Variants in OPCML observed in about 807,000 individuals in gnomAD.
OPCML encodes opioid-binding protein/cell adhesion molecule.
A neutral mutation model predicts 37.8 loss-of-function variants in OPCML; 13 were observed. That is an observed-to-expected ratio of 0.34 (90% CI 0.22 to 0.55). The LOEUF is 0.55. Among genes scored for constraint, OPCML ranks in the 20% least tolerant of loss-of-function variants. The pLI, the probability that OPCML is intolerant of heterozygous loss-of-function variation, is 0.91. For missense variants in OPCML, 341 were observed against 435.6 expected, an observed-to-expected ratio of 0.78 and a Z score of 1.93; for synonymous variants, 176 against 168.8, an observed-to-expected ratio of 1.04 and a Z score of -0.33.
At chr11:132,799,057 A>C (rs1938493520) in intron 2 of OPCML, among the ~76,000 whole-genome samples, 1 of 152,042 alleles carries the variant, frequency 6.6e-6, no homozygotes, top group Middle Eastern at 3.4e-3. Context: ...TTTCAGAATG[A>C]CAAATGGCTT....
At chr11:132,756,676 C>G (rs992575834) in intron 2 of OPCML, among the ~76,000 whole-genome samples, 1 of 152,120 alleles carries the variant, frequency 6.6e-6, no homozygotes, top group Non-Finnish European at 1.5e-5. Context: ...AATGAGGCTC[C>G]AAAATATTGG....
At chr11:132,554,863 G>GTTTTTTTTTTTTTT (rs5795789) in intron 3 of OPCML, among the ~76,000 whole-genome samples, 108 of 64,026 alleles carry the variant, frequency 1.7e-3, no homozygotes, top group East Asian at 7.3e-3. Flanking sequence ...ATGGGGTAAA[G>GTTTTTTTTTTTTTT]TTTTTTTTTT....
chr11:132,609,419 G>T (rs1938501770), intron 3 of OPCML, among the ~76,000 whole-genome samples: 1 of 152,022 alleles, frequency 6.6e-6, no homozygotes, highest in South Asian at 2.1e-4. Context: ...GCTACTCCTG[G>T]CAGGTTCCGG....
intron 1 of OPCML, among the ~76,000 whole-genome samples, chr11:132,978,367 G>A (rs187915102): frequency 3.3e-5 from 5 of 152,322 alleles, no homozygotes; most frequent in Admixed American, 2.6e-4. Flanking sequence ...TGTCACAGTG[G>A]AGAGAAGAGT....
chr11:133,061,719 C>A (rs1483537914), intron 1 of OPCML, among the ~76,000 whole-genome samples: 1 of 152,172 alleles, frequency 6.6e-6, no homozygotes, highest in African/African-American at 2.4e-5. Context: ...ACCTCCTTAG[C>A]TGGAAGGGAG....
intron 1 of OPCML, among the ~76,000 whole-genome samples, chr11:133,011,878 A>T (rs1335631332): frequency 6.6e-6 from 1 of 152,220 alleles, no homozygotes; most frequent in Non-Finnish European, 1.5e-5. Flanking sequence ...TAAGTATACT[A>T]GAAGATTAAT....
chr11:133,139,465 G>A (rs1949737196), intron 1 of OPCML, among the ~76,000 whole-genome samples: 1 of 152,188 alleles, frequency 6.6e-6, no homozygotes, highest in Non-Finnish European at 1.5e-5. Context: ...TGGTGAAACT[G>A]GAATTTGAAT....
At chr11:133,139,872 G>A (rs1949741717) in intron 1 of OPCML, among the ~76,000 whole-genome samples, 2 of 152,066 alleles carry the variant, frequency 1.3e-5, no homozygotes, top group Admixed American at 6.6e-5. Context: ...GAGTCTTAAC[G>A]AGAAGAGGAA....
chr11:132,815,375 A>G (rs2136234558), intron 2 of OPCML, among the ~76,000 whole-genome samples: 1 of 152,308 alleles, frequency 6.6e-6, no homozygotes, highest in Middle Eastern at 3.4e-3. Context: ...GAGGATGGGA[A>G]GGGGCTACAC....
intron 2 of OPCML, among the ~76,000 whole-genome samples, chr11:132,745,299 C>T (rs1945577325): frequency 2.0e-5 from 3 of 152,114 alleles, no homozygotes; most frequent in African/African-American, 7.2e-5. Flanking sequence ...ATGAAACTCA[C>T]CAGCACAAGT....
At chr11:133,493,618 T>A (rs1428172444) in intron 1 of OPCML, among the ~76,000 whole-genome samples, 1 of 151,924 alleles carries the variant, frequency 6.6e-6, no homozygotes, top group Non-Finnish European at 1.5e-5. Flanking sequence ...TTTGTCTCCA[T>A]TTAAAAAAAA....
chr11:132,617,037 A>C lies in OPCML; in HGVS notation c.379+40050T>G, dbSNP rs138064466. 3.5e-3 allele frequency among the ~76,000 whole-genome samples: 534 copies of C among 152,314 alleles called. 3 individuals are homozygous for C. Among genetic ancestry groups the C allele is most frequent in the African/African-American group, 0.012 (503 of 41,568 alleles). Reference sequence around the variant, plus strand: ...ATGAAGTTTTCTTTTCTTTCATTAGAAGTATATGTTGCAGAAGTATATGTT... The same window carrying C: ...ATGAAGTTTTCTTTTCTTTCATTAGCAGTATATGTTGCAGAAGTATATGTT... On this transcript the variant is annotated intron_variant, in intron 3 of 7. Coordinates refer to ENST00000524381, the MANE Select transcript of OPCML (RefSeq NM_001012393.5).
intron 1 of OPCML, among the ~76,000 whole-genome samples, chr11:133,367,587 C>T (rs576515308): frequency 7.9e-5 from 12 of 152,330 alleles, no homozygotes; most frequent in African/African-American, 2.6e-4. Context: ...TAATCAGGGC[C>T]TTTCGAGTAA....
intron 1 of OPCML, among the ~76,000 whole-genome samples, chr11:133,487,005 T>A (rs1210625912): frequency 6.6e-6 from 1 of 152,066 alleles, no homozygotes; most frequent in Admixed American, 6.6e-5. Flanking sequence ...ACTCCTCTGA[T>A]ACTGCCATAT....
In OPCML at chr11:133,479,306, A is replaced by G. The variant is rs150952674; in HGVS notation, c.61+52958T>C. The stretch of plus-strand genomic sequence containing the variant: ...GATTCTCACGCACAGTGGCACATTC[A>G]TGGCCATCACAAGCAATATCAGCTC... On this transcript the variant is annotated intron_variant, in intron 1 of 7. Coordinates refer to ENST00000524381, the MANE Select transcript of OPCML (RefSeq NM_001012393.5). 3.3e-5 allele frequency among the ~76,000 whole-genome samples: 5 copies of G among 152,270 alleles called. No homozygotes were observed. The East Asian group carries it at 9.7e-4, about 30-fold the overall frequency.
chr11:133,170,648 G>T (rs1950276731), intron 1 of OPCML, among the ~76,000 whole-genome samples: 1 of 151,400 alleles, frequency 6.6e-6, no homozygotes, highest in African/African-American at 2.5e-5. Flanking sequence ...TAGTTTAAAT[G>T]CATGAGACAT....
chr11:133,507,142 T>G (rs1948050742), intron 1 of OPCML, among the ~76,000 whole-genome samples: 1 of 152,226 alleles, frequency 6.6e-6, no homozygotes, highest in African/African-American at 2.4e-5. Flanking sequence ...TAGCCCAGCC[T>G]GAGGGCCTGA....
At chr11:132,632,947 GA>G (rs58661397) in intron 3 of OPCML, among the ~76,000 whole-genome samples, 23,136 of 125,716 alleles carry the variant, frequency 0.18, 1,766 homozygotes, top group Middle Eastern at 0.24. Context: ...TCACCATATT[GA>G]AAAAAAAAAA....
At chr11:132,429,606 T>A (rs1432624183) in intron 7 of OPCML, among the ~76,000 whole-genome samples, 1 of 151,308 alleles carries the variant, frequency 6.6e-6, no homozygotes, top group African/African-American at 2.4e-5. Context: ...GGAGAGAGAG[T>A]GGCTTGTAGC....
Sources: allele counts gnomAD v4.1 joint callset (sites outside exome capture counted in the v4.1 genomes callset), GRCh38; gene constraint gnomAD v4.1.1; transcripts MANE v1.5; gene names NCBI Gene and HGNC (gene_info 2026-07-23, HGNC 2026-07-21).